EIF4G3: variants seen among roughly 807,000 people sequenced by gnomAD.
EIF4G3 encodes the protein eIF-4-gamma 3.
In EIF4G3, 34 loss-of-function variants were observed where a neutral mutation model predicts 186.4. The observed-to-expected ratio is 0.18, with a 90% CI of 0.14 to 0.24. The LOEUF (loss-of-function observed/expected upper bound fraction) is 0.24, where lower values mean the gene tolerates loss of function less well. EIF4G3 is among the 10% of genes least tolerant of loss of function. EIF4G3 has a pLI of 1.00. For missense variants in EIF4G3, 1,536 were observed against 1,948.5 expected, an observed-to-expected ratio of 0.79 and a Z score of 3.99; for synonymous variants, 673 against 679.5, an observed-to-expected ratio of 0.99 and a Z score of 0.15.
intron 3 of EIF4G3, among the ~76,000 whole-genome samples, chr1:21,060,229 C>T (rs951702563): frequency 3.9e-5 from 6 of 152,160 alleles, no homozygotes; most frequent in Admixed American, 1.3e-4. Flanking sequence ...AAATTACAGG[C>T]GTGCGTCACT....
chr1:21,147,504 C>T (rs546322676), intron 2 of EIF4G3, among the ~76,000 whole-genome samples: 7 of 151,768 alleles, frequency 4.6e-5, no homozygotes, highest in African/African-American at 1.7e-4. Flanking sequence ...CCACGCCTGG[C>T]TAATTTTTAG....
At chr1:20,869,761 C>G (rs1308694454) in intron 20 of EIF4G3, among the ~76,000 whole-genome samples, 1 of 86,586 alleles carries the variant, frequency 1.2e-5, no homozygotes, top group African/African-American at 4.7e-5. Flanking sequence ...GGTGAAAGAG[C>G]AAGACTACGT....
chr1:20,981,579 CTGTA>C (rs2078072339), intron 8 of EIF4G3, among the ~76,000 whole-genome samples: 1 of 135,140 alleles, frequency 7.4e-6, no homozygotes, highest in Non-Finnish European at 1.6e-5. Context: ...TACGCACATA[CTGTA>C]TGTATACATA....
chr1:21,130,312 C>A (rs901277700), intron 2 of EIF4G3, among the ~76,000 whole-genome samples: 2 of 147,442 alleles, frequency 1.4e-5, no homozygotes, highest in African/African-American at 5.0e-5. Flanking sequence ...GCAACCTCTG[C>A]CCCCGGGGTT....
intron 2 of EIF4G3, among the ~76,000 whole-genome samples, chr1:21,114,650 T>C (rs934908759): frequency 1.3e-5 from 2 of 152,244 alleles, no homozygotes; most frequent in Non-Finnish European, 2.9e-5. Context: ...AACTGCTTTA[T>C]GTGTACTTCC....
At chr1:21,142,136 G>A (rs2097351315) in intron 2 of EIF4G3, among the ~76,000 whole-genome samples, 1 of 151,970 alleles carries the variant, frequency 6.6e-6, no homozygotes, top group East Asian at 1.9e-4. Context: ...CTTGAGTCCA[G>A]GCATTTAAGG....
At position 20,827,622 on chromosome 1, in the gene EIF4G3, G is replaced by C. The variant is rs767974703; in HGVS notation, c.4264C>G (p.Gln1422Glu). ...LSEILHLLCKQMSHKKVGALW... is the reference protein window; with the variant it reads ...LSEILHLLCKEMSHKKVGALW... Reference sequence around the variant, plus strand: ...ACACTCAGTGTAACACTCACCATTTGTTTGCATAGTAGGTGCAATATTTCA... The same window carrying C: ...ACACTCAGTGTAACACTCACCATTTCTTTGCATAGTAGGTGCAATATTTCA... The change falls in exon 32 of 37, where the codon CAA (glutamine) becomes GAA (glutamate). Residue 1422 changes from glutamine to glutamate, a missense_variant. Gln to Glu is a conservative substitution (Grantham distance 29). This residue lies in a region of EIF4G3 where 395 missense variants were observed against 498.9 expected (regional missense o/e 0.79). Coordinates refer to ENST00000602326, the MANE Select transcript of EIF4G3 (RefSeq NM_001391906.1). The C allele has an allele frequency of 6.2e-6, 10 of 1,600,982 alleles. No homozygotes were observed. The South Asian group carries it at 9.9e-5, about 16-fold the overall frequency.
At chr1:20,868,035 T>C (rs913616322) in intron 20 of EIF4G3, among the ~76,000 whole-genome samples, 2 of 147,714 alleles carry the variant, frequency 1.4e-5, no homozygotes, top group African/African-American at 4.9e-5. Context: ...TGTGGAAATA[T>C]GGAAAGGGGC....
intron 33 of EIF4G3, among the ~76,000 whole-genome samples, 197 bp from the exon 34 acceptor site, chr1:20,817,735 G>T (rs1392122416): frequency 6.8e-6 from 1 of 147,564 alleles, no homozygotes. Context: ...ATCCAGGCTG[G>T]AGTAGTTTGG....
intron 2 of EIF4G3, among the ~76,000 whole-genome samples, chr1:21,159,445 A>AG (rs1329208389): frequency 2.8e-4 from 42 of 151,180 alleles, no homozygotes; most frequent in Non-Finnish European, 3.4e-4. Flanking sequence ...AAAAAAAAAA[A>AG]GAAAAAAAAA....
chr1:20,807,713 T>C (rs1252072351), intron 36 of EIF4G3, among the ~76,000 whole-genome samples: 1 of 151,904 alleles, frequency 6.6e-6, no homozygotes, highest in African/African-American at 2.4e-5. Context: ...GTCTAAATTC[T>C]TTTTTATTCC....
intron 29 of EIF4G3, among the ~76,000 whole-genome samples, chr1:20,845,621 C>T (rs894988158): frequency 2.0e-5 from 3 of 151,820 alleles, no homozygotes; most frequent in Non-Finnish European, 4.4e-5. Flanking sequence ...GAGATCGCGC[C>T]ACTGCACTCC....
At chr1:20,962,684 T>C (rs1400341348) in intron 12 of EIF4G3, among the ~76,000 whole-genome samples, 3 of 152,156 alleles carry the variant, frequency 2.0e-5, no homozygotes, top group Non-Finnish European at 4.4e-5. Flanking sequence ...TGAAAAAATA[T>C]GTAACAACAA....
intron 12 of EIF4G3, among the ~76,000 whole-genome samples, chr1:20,960,887 G>T (rs1423241113): frequency 6.6e-6 from 1 of 152,130 alleles, no homozygotes; most frequent in East Asian, 1.9e-4. Flanking sequence ...AACATGTAAA[G>T]CCCTCTTATA....
intron 36 of EIF4G3, 147 bp from the exon 37 acceptor site, chr1:20,807,647 G>A: frequency 1.6e-6 from 1 of 628,262 alleles, no homozygotes; most frequent in Non-Finnish European, 2.4e-6. Flanking sequence ...ACTTGCTCTT[G>A]ACAGTATAAA....
intron 2 of EIF4G3, among the ~76,000 whole-genome samples, chr1:21,127,295 A>C (rs1265243195): frequency 6.6e-6 from 1 of 152,022 alleles, no homozygotes; most frequent in Admixed American, 6.6e-5. Flanking sequence ...ATTTTTTTTC[A>C]GGACTCAAAA....
chr1:20,897,710 T>C (rs1445002884), intron 16 of EIF4G3, among the ~76,000 whole-genome samples: 1 of 152,032 alleles, frequency 6.6e-6, no homozygotes, highest in African/African-American at 2.4e-5. Context: ...CTATTATATT[T>C]ATTAAAAAGT....
chr1:20,835,007 C>G (rs1469438394), intron 30 of EIF4G3, among the ~76,000 whole-genome samples: 3 of 152,162 alleles, frequency 2.0e-5, no homozygotes, highest in Non-Finnish European at 4.4e-5. Flanking sequence ...TTTAAGAGGA[C>G]TGAAATCATA....
intron 11 of EIF4G3, among the ~76,000 whole-genome samples, chr1:20,971,743 C>T (rs1247184628): frequency 1.3e-5 from 2 of 152,186 alleles, no homozygotes; most frequent in East Asian, 1.9e-4. Context: ...AAGTGATTCT[C>T]GTGCCTCAGC....
Sources: gnomAD v4.1 joint callset for allele counts (sites outside exome capture counted in the v4.1 genomes callset) on GRCh38, gnomAD v4.1.1 for gene constraint, gnomAD v4.1.1 regional missense constraint, MANE v1.5 for transcripts, NCBI Gene and HGNC (gene_info 2026-07-23, HGNC 2026-07-21) for gene names.